The following RMDN2 variants were observed in gnomAD, a reference collection of about 807,000 sequenced individuals.
RMDN2 encodes the protein regulator of microtubule dynamics protein 2.
Under a neutral mutation model 52.8 loss-of-function variants are expected in RMDN2, and 61 were observed. The ratio of observed to expected loss-of-function variants is 1.16; its 90% CI spans 0.94 to 1.43. The LOEUF (loss-of-function observed/expected upper bound fraction) is 1.43, where lower values mean the gene tolerates loss of function less well. Among genes scored for constraint, RMDN2 ranks in the 40% most tolerant of loss-of-function variants. The probability of loss-of-function intolerance (pLI) is 0.00; values close to 1 mark genes in which losing one functional copy is unlikely to be tolerated. For synonymous variants in RMDN2, 180 were observed against 153.1 expected, an observed-to-expected ratio of 1.18 and a Z score of -1.30; for missense variants, 592 against 475.3, an observed-to-expected ratio of 1.25 and a Z score of -2.28.
chr2:37,924,965 G>A (rs996668025), upstream of RMDN2, among the ~76,000 whole-genome samples: 2 of 152,224 alleles, frequency 1.3e-5, no homozygotes, highest in East Asian at 3.9e-4. Flanking sequence ...GTTTAACTAG[G>A]GGAGAGGGAG....
intron 10 of RMDN2, among the ~76,000 whole-genome samples, chr2:38,008,634 C>G (rs1004736209): frequency 5.8e-4 from 88 of 152,186 alleles, no homozygotes; most frequent in African/African-American, 1.8e-3. Flanking sequence ...GAATACAGCA[C>G]ACTGTTGGGT....
chr2:37,967,628 T>C (rs950525850), intron 2 of RMDN2, among the ~76,000 whole-genome samples: 1 of 152,214 alleles, frequency 6.6e-6, no homozygotes, highest in African/African-American at 2.4e-5. Flanking sequence ...AAAGCTTTAG[T>C]AGGAAAATTC....
chr2:37,949,305 A>G (rs1310592607), intron 2 of RMDN2, among the ~76,000 whole-genome samples: 2 of 152,184 alleles, frequency 1.3e-5, no homozygotes, highest in Non-Finnish European at 2.9e-5. Flanking sequence ...CAGGACCAAG[A>G]GCAGGTTTAG....
intron 5 of RMDN2, among the ~76,000 whole-genome samples, chr2:37,985,703 G>T (rs1428915640): frequency 1.3e-5 from 2 of 152,034 alleles, no homozygotes; most frequent in African/African-American, 4.8e-5. Flanking sequence ...AAGTAACAGG[G>T]TATATGATGG....
chr2:37,977,343 C>T (rs185514677), intron 4 of RMDN2, among the ~76,000 whole-genome samples: 2,355 of 151,918 alleles, frequency 0.016, 59 homozygotes, highest in African/African-American at 0.049. Flanking sequence ...CCGTTCTCAA[C>T]GAGCTGTTGG....
chr2:38,002,879 G>C (rs1162862681), intron 8 of RMDN2: 1 of 152,208 alleles, frequency 6.6e-6, no homozygotes, highest in Non-Finnish European at 1.5e-5. Context: ...CTCTAGGGTG[G>C]AGACTCCAGG....
At chr2:38,009,351 C>T (rs1232352826) in intron 10 of RMDN2, among the ~76,000 whole-genome samples, 2 of 152,220 alleles carry the variant, frequency 1.3e-5, no homozygotes, top group Non-Finnish European at 2.9e-5. Flanking sequence ...GTACACCAAT[C>T]AGACGTAGAT....
intron 10 of RMDN2, among the ~76,000 whole-genome samples, chr2:38,005,147 T>C (rs1398131608): frequency 1.2e-4 from 19 of 152,088 alleles, no homozygotes; most frequent in Admixed American, 9.2e-4. Context: ...TGAATAGTGC[T>C]GCTATAAACA....
intron 10 of RMDN2, 41 bp downstream of exon 10, chr2:38,004,257 G>A (rs1211570260): frequency 2.2e-6 from 3 of 1,378,414 alleles, no homozygotes; most frequent in Non-Finnish European, 3.1e-6. Flanking sequence ...TGTCTTGTTA[G>A]TACTATTCGA....
At chr2:37,952,261 C>G (rs1668927550) in intron 2 of RMDN2, 13 of 1,459,032 alleles carry the variant, frequency 8.9e-6, no homozygotes, top group Non-Finnish European at 1.2e-5. Context: ...CCACCAGTCA[C>G]TTTCATAGCC....
intron 2 of RMDN2, chr2:37,951,373 A>C: frequency 6.2e-7 from 1 of 1,613,388 alleles, no homozygotes; most frequent in Non-Finnish European, 8.5e-7. Flanking sequence ...CCTGTAACAC[A>C]TAAAGTCAAT....
chr2:37,980,811 A>G (rs1308957351), intron 4 of RMDN2, among the ~76,000 whole-genome samples: 1 of 149,984 alleles, frequency 6.7e-6, no homozygotes, highest in South Asian at 2.1e-4. Context: ...TTTTTCTTGC[A>G]TGTAACTTAC....
intron 2 of RMDN2, among the ~76,000 whole-genome samples, chr2:37,962,307 C>A (rs939159997): frequency 1.1e-4 from 17 of 152,332 alleles, no homozygotes; most frequent in Admixed American, 3.9e-4. Context: ...CCCCTTCCCC[C>A]AGGTGTTCTG....
chr2:37,987,202 A>C (rs578066635), intron 5 of RMDN2, among the ~76,000 whole-genome samples: 1 of 152,206 alleles, frequency 6.6e-6, no homozygotes, highest in African/African-American at 2.4e-5. Context: ...AATTAAAAAC[A>C]TAACACTATT....
intron 2 of RMDN2, among the ~76,000 whole-genome samples, chr2:37,959,445 T>G (rs1669906205): frequency 6.6e-6 from 1 of 151,052 alleles, no homozygotes; most frequent in African/African-American, 2.5e-5. Context: ...TGCATAGAGG[T>G]GTTTATAGTA....
intron 10 of RMDN2, among the ~76,000 whole-genome samples, chr2:38,004,757 A>G (rs1369591543): frequency 2.0e-5 from 3 of 151,432 alleles, no homozygotes; most frequent in East Asian, 1.9e-4. Context: ...GGCTTGTTAC[A>G]TATGTATATA....
chr2:37,982,879 T>C (rs1200906209), intron 5 of RMDN2, among the ~76,000 whole-genome samples: 1 of 152,174 alleles, frequency 6.6e-6, no homozygotes, highest in African/African-American at 2.4e-5. Context: ...CTACGTTTAG[T>C]AGTAACTGTA....
rs149269369 is a variant in RMDN2, at chr2:37,983,767, T to A, written c.791+2424T>A. ...ATGTTCAAATCTTATTCTGCTGGACTCTCTTTAATTATGTTAAAACTGAAT... is the reference window on the plus strand; with the variant it reads ...ATGTTCAAATCTTATTCTGCTGGACACTCTTTAATTATGTTAAAACTGAAT... On this transcript the variant is annotated intron_variant, in intron 5 of 10. Coordinates refer to ENST00000354545, the MANE Select transcript of RMDN2 (RefSeq NM_001170791.3). Among the ~76,000 whole-genome samples, 273 of 152,332 alleles carry A rather than the reference T, an allele frequency of 1.8e-3. 2 individuals carry two copies. In the East Asian group the frequency reaches 0.043, roughly 24 times the overall value.
At position 37,981,355 on chromosome 2, in the gene RMDN2, G is replaced by A. The variant is rs754350891; in HGVS notation, c.791+12G>A. On this transcript the variant is annotated intron_variant, in intron 5 of 10. Transcript: ENST00000354545. ...CATTGTCATCTGTGGTAAGTGTATA[G>A]GATTTATGCAGTCTTTTAAATTCTA... 17 of 1,566,342 alleles carry A rather than the reference G, an allele frequency of 1.1e-5. No homozygotes were observed. The South Asian group carries it at 1.9e-4, about 18-fold the overall frequency.
Sources: allele counts gnomAD v4.1 joint callset (sites outside exome capture counted in the v4.1 genomes callset), GRCh38; gene constraint gnomAD v4.1.1; transcripts MANE v1.5; gene names NCBI Gene and HGNC (gene_info 2026-07-23, HGNC 2026-07-21).